POLQ: variants seen among roughly 807,000 people sequenced by gnomAD.
POLQ encodes the protein DNA polymerase theta.
In POLQ, 233 loss-of-function variants were observed where a neutral mutation model predicts 259.2. The observed-to-expected ratio is 0.90, with a 90% CI of 0.81 to 1.00. POLQ has a LOEUF of 1.00. POLQ is among the 50% of genes least tolerant of loss of function. The pLI is 0.00. For missense variants in POLQ, 2,871 were observed against 3,051.6 expected (o/e 0.94, Z 1.39); for synonymous variants, 1,025 against 1,048.8 (o/e 0.98, Z 0.44).
At position 121,487,972 on chromosome 3, in the gene POLQ, T is replaced by C. The variant is rs113695853; in HGVS notation, c.4959A>G (p.Leu1653=). 2.4e-4 allele frequency: 387 copies of C among 1,608,416 alleles called. No individual in the cohort carries two copies. The highest frequency in any genetic ancestry group is 3.0e-4 in the Non-Finnish European group (351 of 1,178,450). ...TCATTGATTTTAGCTTTTCATTTTC[T>C]AGAGGACTGGATACTTTATCTAAAA... ...QRILDKVSSP[L]ENEKLKSMTI... is the part of the protein sequence containing the mutation. The change falls in exon 16 of 30, where the codon CTA becomes CTG. Residue 1653 remains leucine, a synonymous_variant. Coordinates refer to ENST00000264233, the MANE Select transcript of POLQ (RefSeq NM_199420.4).
chr3:121,478,600 A>T (rs969135813), intron 19 of POLQ, among the ~76,000 whole-genome samples: 1 of 121,398 alleles, frequency 8.2e-6, no homozygotes, highest in Non-Finnish European at 1.8e-5. Context: ...AAAAAAAAAA[A>T]GTTAAGCCTG....
intron 26 of POLQ, among the ~76,000 whole-genome samples, chr3:121,444,810 T>C (rs1014514210): frequency 2.0e-5 from 3 of 152,152 alleles, no homozygotes; most frequent in Admixed American, 2.0e-4. Flanking sequence ...GTTTTCATGA[T>C]GGAATGTTGA....
chr3:121,487,219 T>C, intron 16 of POLQ, 83 bp downstream of exon 16: 1 of 725,538 alleles, frequency 1.4e-6, no homozygotes, highest in Non-Finnish European at 2.2e-6. Flanking sequence ...ATATTTAATA[T>C]CTAACATTGA....
chr3:121,507,402 T>A (rs1163194860), intron 12 of POLQ, among the ~76,000 whole-genome samples: 1 of 152,130 alleles, frequency 6.6e-6, no homozygotes, highest in Non-Finnish European at 1.5e-5. Context: ...AGAAATCCAG[T>A]TTCTGTTTTG....
chr3:121,491,807 A>G (rs1365655660), intron 15 of POLQ, among the ~76,000 whole-genome samples: 3 of 152,048 alleles, frequency 2.0e-5, no homozygotes, highest in Non-Finnish European at 4.4e-5. Flanking sequence ...AACCCCCGAG[A>G]TGCAGACCAG....
At chr3:121,504,411 C>A (rs1358074107) in intron 12 of POLQ, among the ~76,000 whole-genome samples, 1 of 152,176 alleles carries the variant, frequency 6.6e-6, no homozygotes, top group Non-Finnish European at 1.5e-5. Context: ...AACATTTACT[C>A]CAAAGTAAAG....
At chr3:121,461,894 T>C (rs1013724775) in intron 24 of POLQ, among the ~76,000 whole-genome samples, 1 of 152,152 alleles carries the variant, frequency 6.6e-6, no homozygotes, top group African/African-American at 2.4e-5. Context: ...ACACATCTTT[T>C]ATATCATGTT....
intron 6 of POLQ, 36 bp downstream of exon 6, chr3:121,532,954 G>A (rs746417964): frequency 7.8e-7 from 1 of 1,278,884 alleles, no homozygotes; most frequent in South Asian, 1.4e-5. Flanking sequence ...CAAACACACA[G>A]ATAAAAATAG....
At chr3:121,441,757 A>C (rs775897692) in intron 26 of POLQ, among the ~76,000 whole-genome samples, 2 of 152,226 alleles carry the variant, frequency 1.3e-5, no homozygotes, top group Non-Finnish European at 2.9e-5. Flanking sequence ...ACGATAGTAG[A>C]ATTGCACGGT....
intron 28 of POLQ, 92 bp from the exon 29 acceptor site, chr3:121,433,125 A>T (rs573721967): frequency 1.4e-6 from 1 of 726,270 alleles, no homozygotes; most frequent in East Asian, 2.6e-5. Context: ...GAGGAATTTT[A>T]ATGAGAAGAT....
chr3:121,477,042 A>G (rs544017051), intron 19 of POLQ, among the ~76,000 whole-genome samples: 1 of 152,344 alleles, frequency 6.6e-6, no homozygotes, highest in African/African-American at 2.4e-5. Context: ...TAGCAGCAGC[A>G]TAACAATCAA....
intron 9 of POLQ, among the ~76,000 whole-genome samples, chr3:121,519,229 T>C (rs1452908705): frequency 6.6e-6 from 1 of 151,972 alleles, no homozygotes; most frequent in Non-Finnish European, 1.5e-5. Context: ...AGACTACACC[T>C]AGAAATTAAA....
intron 17 of POLQ, 99 bp from the exon 18 acceptor site, chr3:121,483,681 TCA>T: frequency 1.2e-6 from 1 of 869,490 alleles, no homozygotes; most frequent in Non-Finnish European, 1.7e-6. Context: ...TGAAAAAGAC[TCA>T]GAAGGCTAAG....
chr3:121,466,303 T>C (rs1287683534), intron 24 of POLQ, among the ~76,000 whole-genome samples: 2 of 147,720 alleles, frequency 1.4e-5, no homozygotes, highest in Admixed American at 6.8e-5. Context: ...AAAAAACTGA[T>C]TCATGAGTTT....
intron 9 of POLQ, among the ~76,000 whole-genome samples, chr3:121,514,672 G>A (rs1201833634): frequency 6.6e-6 from 1 of 151,790 alleles, no homozygotes; most frequent in Admixed American, 6.6e-5. Context: ...GATCACCTGG[G>A]GTCAGGCAGA....
Position 121,488,768 on chromosome 3 carries a change from T to C in POLQ, c.4163A>G (p.Asp1388Gly), listed in dbSNP as rs761266671. 2.5e-6 allele frequency: 4 copies of C among 1,613,964 alleles called. No individual in the cohort carries two copies. In the East Asian group the frequency reaches 8.9e-5, roughly 36 times the overall value. The change falls in exon 16 of 30, where the codon GAT (aspartate) becomes GGT (glycine). Residue 1388 changes from aspartate (D) to glycine (G), a missense_variant. Coordinates refer to ENST00000264233, the MANE Select transcript of POLQ (RefSeq NM_199420.4). Reference protein sequence around the residue: ...EQHPLGATKIDHLDLKTVGTM... With the variant: ...EQHPLGATKIGHLDLKTVGTM... ...ACCTACAGTCTTAAGGTCCAAATGA[T>C]CTATCTTAGTCGCTCCTAGAGGGTG...
Position 121,493,628 on chromosome 3 carries a change from C to G in POLQ, c.2372G>C (p.Arg791Thr). ...TACCCGAACCAGGTCACACAGCTCC[C>G]TCTGGATGCCAAACGTAAGACGCTT... is the stretch of plus-strand genomic sequence containing the variant. ...FQKRLTFGIQ[R>T]ELCDLVRVSL... is the part of the protein sequence containing the mutation. Residue 791 changes from arginine (R) to threonine (T), a missense_variant, in exon 15 of 30, where the codon AGG (arginine) becomes ACG (threonine). Arg to Thr is a moderately conservative substitution (Grantham distance 71, BLOSUM62 -1). This residue lies in a region of POLQ where 2,080 missense variants were observed against 2,126.0 expected (regional missense o/e 0.98). Coordinates refer to ENST00000264233, the MANE Select transcript of POLQ (RefSeq NM_199420.4). 6.2e-7 allele frequency: 1 copy of G among 1,614,086 alleles called. No homozygotes were observed. Among genetic ancestry groups the G allele is most frequent in the Non-Finnish European group, 8.5e-7 (1 of 1,179,996 alleles).
At chr3:121,533,593 G>A (rs1294657914) in intron 5 of POLQ, among the ~76,000 whole-genome samples, 1 of 152,108 alleles carries the variant, frequency 6.6e-6, no homozygotes, top group African/African-American at 2.4e-5. Flanking sequence ...TCGGCTCACT[G>A]CAACCTCCGC....
At chr3:121,502,203 T>C (rs897363113) in intron 12 of POLQ, among the ~76,000 whole-genome samples, 6 of 152,290 alleles carry the variant, frequency 3.9e-5, no homozygotes, top group Admixed American at 2.0e-4. Context: ...ATTTTTGTAC[T>C]GTATTGGGTT....
Sources: gnomAD v4.1 joint callset for allele counts (sites outside exome capture counted in the v4.1 genomes callset) on GRCh38, gnomAD v4.1.1 for gene constraint, gnomAD v4.1.1 regional missense constraint, MANE v1.5 for transcripts, NCBI Gene and HGNC (gene_info 2026-07-23, HGNC 2026-07-21) for gene names.